The following SLC35F3 variants were observed in gnomAD, a reference collection of about 807,000 sequenced individuals.
The protein encoded by SLC35F3 is putative thiamine transporter SLC35F3.
Under a neutral mutation model 49.9 loss-of-function variants are expected in SLC35F3, and 25 were observed. That is an observed-to-expected ratio of 0.50 (90% CI 0.37 to 0.70). The LOEUF (loss-of-function observed/expected upper bound fraction) is 0.70. Ranked by LOEUF, SLC35F3 falls within the 30% of genes least tolerant of loss-of-function variation. The pLI, the probability that SLC35F3 is intolerant of heterozygous loss-of-function variation, is 0.00. For missense variants in SLC35F3, 525 were observed against 639.8 expected, an observed-to-expected ratio of 0.82 and a Z score of 1.94; for synonymous variants, 275 against 265.4, an observed-to-expected ratio of 1.04 and a Z score of -0.35.
chr1:234,050,222 C>T (rs1276844319), intron 2 of SLC35F3, among the ~76,000 whole-genome samples: 1 of 152,216 alleles, frequency 6.6e-6, no homozygotes, highest in Non-Finnish European at 1.5e-5. Context: ...CACTGTCTTC[C>T]ACAATGGTTG....
chr1:234,152,597 T>C (rs1207908913), intron 2 of SLC35F3, among the ~76,000 whole-genome samples: 1 of 152,242 alleles, frequency 6.6e-6, no homozygotes, highest in African/African-American at 2.4e-5. Context: ...GTGGTGTATA[T>C]ATGCCACATT....
intron 3 of SLC35F3, among the ~76,000 whole-genome samples, chr1:234,241,643 G>C (rs1478922830): frequency 6.6e-6 from 1 of 151,582 alleles, no homozygotes; most frequent in Non-Finnish European, 1.5e-5. Context: ...GCTGAGGCAG[G>C]AGAATTGCTT....
chr1:234,225,532 G>A (rs950757714), intron 2 of SLC35F3, among the ~76,000 whole-genome samples: 2 of 152,150 alleles, frequency 1.3e-5, no homozygotes, highest in African/African-American at 4.8e-5. Context: ...CCATTTGGAC[G>A]CAATTAGATG....
intron 2 of SLC35F3, among the ~76,000 whole-genome samples, chr1:234,178,983 G>A (rs1053706701): frequency 1.3e-5 from 2 of 152,072 alleles, no homozygotes; most frequent in South Asian, 4.2e-4. Context: ...CATATCATAA[G>A]CTGGACTCTC....
chr1:234,172,929 G>T (rs1370513403), intron 2 of SLC35F3, among the ~76,000 whole-genome samples: 4 of 152,182 alleles, frequency 2.6e-5, no homozygotes, highest in African/African-American at 9.7e-5. Flanking sequence ...ATAGCAGAGA[G>T]GCCCCATGTG....
At chr1:233,968,018 T>C (rs1662928683) in intron 2 of SLC35F3, among the ~76,000 whole-genome samples, 2 of 152,220 alleles carry the variant, frequency 1.3e-5, no homozygotes. Context: ...TAAACCGTGT[T>C]GTCTCATGTA....
At chr1:233,944,936 A>G (rs1481122248) in intron 2 of SLC35F3, among the ~76,000 whole-genome samples, 1 of 152,164 alleles carries the variant, frequency 6.6e-6, no homozygotes, top group Non-Finnish European at 1.5e-5. Flanking sequence ...TCTGTAGCAT[A>G]TAATTGGAAG....
At chr1:234,290,356 A>T (rs1286507220) in intron 3 of SLC35F3, among the ~76,000 whole-genome samples, 2 of 152,260 alleles carry the variant, frequency 1.3e-5, no homozygotes, top group Non-Finnish European at 2.9e-5. Context: ...TTTTTAGAAT[A>T]TAAAACAGTA....
At chr1:233,955,765 GTTT>G (rs551238786) in intron 2 of SLC35F3, among the ~76,000 whole-genome samples, 2 of 112,948 alleles carry the variant, frequency 1.8e-5, no homozygotes, top group Admixed American at 9.5e-5. Flanking sequence ...CTCACGAACT[GTTT>G]TTTTTTTTTT....
At chr1:233,977,775 C>G (rs1315830516) in intron 2 of SLC35F3, among the ~76,000 whole-genome samples, 2 of 152,162 alleles carry the variant, frequency 1.3e-5, no homozygotes, top group Non-Finnish European at 2.9e-5. Context: ...ATTGCAGGTG[C>G]TGCTCTGCGC....
intron 2 of SLC35F3, among the ~76,000 whole-genome samples, chr1:234,103,736 C>T (rs548709463): frequency 1.3e-5 from 2 of 152,286 alleles, no homozygotes; most frequent in Admixed American, 6.5e-5. Context: ...TCCATTAGCC[C>T]GCATTATTGT....
chr1:234,148,746 G>A (rs1455828520), intron 2 of SLC35F3, among the ~76,000 whole-genome samples: 1 of 152,232 alleles, frequency 6.6e-6, no homozygotes, highest in Non-Finnish European at 1.5e-5. Context: ...CAGGTGATTT[G>A]AACTAAGATG....
chr1:234,261,487 T>G (rs907509412), intron 3 of SLC35F3, among the ~76,000 whole-genome samples: 4 of 152,168 alleles, frequency 2.6e-5, no homozygotes, highest in Non-Finnish European at 5.9e-5. Context: ...GGGAGTGTCT[T>G]TTGGCATGCT....
chr1:233,958,720 A>C (rs190405843), intron 2 of SLC35F3, among the ~76,000 whole-genome samples: 1 of 152,366 alleles, frequency 6.6e-6, no homozygotes, highest in African/African-American at 2.4e-5. Context: ...GTGGATAGCT[A>C]TACCACAGGA....
At chr1:234,082,645 A>G (rs10910333) in intron 2 of SLC35F3, among the ~76,000 whole-genome samples, 49,832 of 152,036 alleles carry the variant, frequency 0.33, 8,445 homozygotes, top group African/African-American at 0.38. Context: ...AGACATACCC[A>G]AGACTGGGTA....
intron 2 of SLC35F3, among the ~76,000 whole-genome samples, chr1:234,179,797 C>T (rs1666530436): frequency 6.6e-6 from 1 of 152,148 alleles, no homozygotes; most frequent in African/African-American, 2.4e-5. Flanking sequence ...AGTGGAGCAG[C>T]ACATAGCAGA....
intron 3 of SLC35F3, among the ~76,000 whole-genome samples, chr1:234,287,384 A>G (rs1668439461): frequency 6.6e-6 from 1 of 152,174 alleles, no homozygotes; most frequent in African/African-American, 2.4e-5. Context: ...CAAATAAGTG[A>G]AAGAGTAAGG....
chr1:233,956,832 A>G (rs1040773806), intron 2 of SLC35F3, among the ~76,000 whole-genome samples: 2 of 152,160 alleles, frequency 1.3e-5, no homozygotes, highest in Non-Finnish European at 2.9e-5. Context: ...CTGAAGCTGA[A>G]CCCTAAACTC....
At chr1:234,292,820 C>A (rs1304643718) in intron 3 of SLC35F3, among the ~76,000 whole-genome samples, 1 of 152,230 alleles carries the variant, frequency 6.6e-6, no homozygotes, top group Admixed American at 6.5e-5. Context: ...GGCCCTTCAA[C>A]AGTGATGTTT....
Sources: gnomAD v4.1 joint callset for allele counts (sites outside exome capture counted in the v4.1 genomes callset) on GRCh38, gnomAD v4.1.1 for gene constraint, MANE v1.5 for transcripts, NCBI Gene and HGNC (gene_info 2026-07-23, HGNC 2026-07-21) for gene names.